The following NCS1 variants were observed in gnomAD, a reference collection of about 807,000 sequenced individuals.
NCS1 encodes frequenin homolog.
NCS1 carries 6 observed loss-of-function variants against 28.4 expected under a neutral mutation model. The observed-to-expected ratio is 0.21, with a 90% confidence interval of 0.12 to 0.42. The LOEUF is 0.42. Ranked by LOEUF, NCS1 falls within the 10% of genes least tolerant of loss-of-function variation. NCS1 has a pLI of 1.00. For missense variants in NCS1, 131 were observed against 241.4 expected (o/e 0.54, Z 3.03); for synonymous variants, 86 against 99.3 (o/e 0.87, Z 0.79).
In NCS1 at chr9:130,226,490, C is replaced by T; in HGVS notation, c.*3C>T. On this transcript the variant is annotated 3_prime_UTR_variant, in exon 7 of 8. Coordinates refer to ENST00000372398, the MANE Select transcript of NCS1 (RefSeq NM_014286.4). The surrounding 1 kb of genome is among the most constrained non-coding windows in gnomAD (Gnocchi z 4.8). ...CCCTCTACGACGGGCTGGTATAGTC[C>T]CAGGCTGGAGCTGGGTGAGTGCAGA... 6.2e-7 allele frequency: 1 copy of T among 1,612,174 alleles called. No individual in the cohort carries two copies. Among genetic ancestry groups the T allele is most frequent in the Non-Finnish European group, 8.5e-7 (1 of 1,179,002 alleles).
In NCS1 at chr9:130,177,137, G is replaced by A. The variant is rs1832583701; in HGVS notation, c.64+4410G>A. Among the ~76,000 whole-genome samples, 1 of 152,232 alleles carries A rather than the reference G, an allele frequency of 6.6e-6. No individual in the cohort carries two copies. Among genetic ancestry groups the A allele is most frequent in the Admixed American group, 6.5e-5 (1 of 15,284 alleles). ...ATGGTGCCGGCACACAGGAGCAGGT[G>A]GAGGGCAGGAGCCCACGGCTGACGC... On this transcript the variant is annotated intron_variant, in intron 1 of 7. Transcript: ENST00000372398. This position sits in a 1 kb window ranked among gnomAD's most constrained non-coding sequence, Gnocchi z 4.4.
Position 130,219,904 on chromosome 9 carries a change from C to T in NCS1, c.307+101C>T. 8.1e-7 allele frequency: 1 copy of T among 1,230,622 alleles called. No individual in the cohort carries two copies. The highest frequency in any genetic ancestry group is 1.2e-6 in the Non-Finnish European group (1 of 842,342). 76.2% of individuals were successfully genotyped at this position (1,230,622 alleles called of 1,614,324 possible). A position where few individuals can be genotyped will look rare whatever the true frequency, so the allele number is the denominator to read the frequency against. ...ACCAGGCAGGGGTGCCAGACACCCACTGCAGTGACCACAGATGGCGTCCCA... is the reference window on the plus strand; with the variant it reads ...ACCAGGCAGGGGTGCCAGACACCCATTGCAGTGACCACAGATGGCGTCCCA... On this transcript the variant is annotated intron_variant, in intron 4 of 7. Coordinates refer to ENST00000372398, the MANE Select transcript of NCS1 (RefSeq NM_014286.4). This position sits in a 1 kb window ranked among gnomAD's most constrained non-coding sequence, Gnocchi z 5.7.
In NCS1 at chr9:130,186,369, T is replaced by C. The variant is rs782282570; in HGVS notation, c.64+13642T>C. 2.6e-5 allele frequency among the ~76,000 whole-genome samples: 4 copies of C among 152,150 alleles called. No homozygotes were observed. The highest frequency in any genetic ancestry group is 5.9e-5 in the Non-Finnish European group (4 of 68,026). On this transcript the variant is annotated intron_variant, in intron 1 of 7. Coordinates refer to ENST00000372398, the MANE Select transcript of NCS1 (RefSeq NM_014286.4). This position sits in a 1 kb window ranked among gnomAD's most constrained non-coding sequence, Gnocchi z 4.1. ...CTTCCTGGAGGAGGTAATATTGTAG[T>C]TGAGACCCGGGGCTAGGGTTGCCAG...
rs1554904761 is a variant in NCS1, at chr9:130,177,791, C to T, written c.64+5064C>T. The stretch of plus-strand genomic sequence containing the variant: ...TCTAAACAGGAGAAGCTTTGCAGTC[C>T]GGGGAGCGGGCCAGAAAGACAAAGG... On this transcript the variant is annotated intron_variant, in intron 1 of 7. Coordinates refer to ENST00000372398, the MANE Select transcript of NCS1 (RefSeq NM_014286.4). This position sits in a 1 kb window ranked among gnomAD's most constrained non-coding sequence, Gnocchi z 4.4. Among the ~76,000 whole-genome samples the T allele has an allele frequency of 1.3e-5, 2 of 152,128 alleles. No individual in the cohort carries two copies. The highest frequency in any genetic ancestry group is 1.9e-4 in the East Asian group (1 of 5,188).
chr9:130,200,276 AT>A, intron 1 of NCS1, among the ~76,000 whole-genome samples: 1 of 152,208 alleles, frequency 6.6e-6, no homozygotes. Flanking sequence ...ACTTGAAACG[AT>A]TCTGTACTTT....
chr9:130,203,931 C>T (rs782405896), intron 2 of NCS1, among the ~76,000 whole-genome samples: 1 of 152,188 alleles, frequency 6.6e-6, no homozygotes, highest in Non-Finnish European at 1.5e-5. Context: ...AGCAGAGTGG[C>T]TGGGATCTTG....
Position 130,201,867 on chromosome 9 carries a change from G to C in NCS1, c.89+885G>C, listed in dbSNP as rs538516797. On this transcript the variant is annotated intron_variant, in intron 2 of 7. Transcript: ENST00000372398. The stretch of plus-strand genomic sequence containing the variant: ...CACTTTCCACTTCTGCACTTCCCCA[G>C]GTGAGTGCCCTAGAAACACCCTCCT... 3.3e-5 allele frequency among the ~76,000 whole-genome samples: 5 copies of C among 152,226 alleles called. No individual in the cohort carries two copies. The East Asian group carries it at 9.7e-4, about 29-fold the overall frequency.
Position 130,215,863 on chromosome 9 carries a change from T to C in NCS1, c.90-1969T>C, listed in dbSNP as rs1000741134. Among the ~76,000 whole-genome samples the C allele has an allele frequency of 6.6e-6, 1 of 152,048 alleles. No individual in the cohort carries two copies. The highest frequency in any genetic ancestry group is 2.1e-4 in the South Asian group (1 of 4,816). On this transcript the variant is annotated intron_variant, in intron 2 of 7. Coordinates refer to ENST00000372398, the MANE Select transcript of NCS1 (RefSeq NM_014286.4). The surrounding 1 kb of genome is among the most constrained non-coding windows in gnomAD (Gnocchi z 4.2). ...CTTGCTGTGGGCACTGCTGGGACGG[T>C]CATGTGCCCGCTATGGTCTGACTCA...
intron 1 of NCS1, 101 bp from the exon 2 acceptor site, chr9:130,200,857 G>T: frequency 6.5e-7 from 1 of 1,532,546 alleles, no homozygotes; most frequent in Non-Finnish European, 9.0e-7. Flanking sequence ...CATGGCCGTG[G>T]GGAGGGGAGG....
intron 7 of NCS1, among the ~76,000 whole-genome samples, chr9:130,230,222 G>A (rs529054782): frequency 8.7e-4 from 132 of 151,162 alleles, no homozygotes; most frequent in Non-Finnish European, 1.4e-3. Flanking sequence ...GTGGTGGCGG[G>A]CACCTGTAAT....
rs1226267707 is a variant in NCS1, at chr9:130,210,373, TG to T, written c.90-7456del. ...TAGATCGTGCCCCTGTACTCCAGCC[TG>T]GGTGACAGAGTGAGACTCAGTCTTA... On this transcript the variant is annotated intron_variant, in intron 2 of 7. Coordinates refer to ENST00000372398, the MANE Select transcript of NCS1 (RefSeq NM_014286.4). Among the ~76,000 whole-genome samples the T allele has an allele frequency of 2.2e-5, 3 of 137,352 alleles. No homozygotes were observed. In the Admixed American group the frequency reaches 2.3e-4, roughly 11 times the overall value. 90.1% of individuals were successfully genotyped at this position (137,352 alleles called of 152,430 possible). A position where few individuals can be genotyped will look rare whatever the true frequency, so the allele number is the denominator to read the frequency against.
rs532421196 is a variant in NCS1, at chr9:130,181,551, A to T, written c.64+8824A>T. ...ATGAGGAAATGGAGGCTCAGAGTGG[A>T]TGAGAGCTGGCTCATGGTCCCACGG... On this transcript the variant is annotated intron_variant, in intron 1 of 7. Transcript: ENST00000372398. The surrounding 1 kb of genome is among the most constrained non-coding windows in gnomAD (Gnocchi z 5.0). Among the ~76,000 whole-genome samples the T allele has an allele frequency of 2.6e-5, 4 of 152,220 alleles. No individual in the cohort carries two copies. The South Asian group carries it at 8.3e-4, about 32-fold the overall frequency.
chr9:130,204,609 G>A (rs1369239707), intron 2 of NCS1, among the ~76,000 whole-genome samples: 1 of 152,154 alleles, frequency 6.6e-6, no homozygotes, highest in Non-Finnish European at 1.5e-5. Flanking sequence ...ATCCTGACTT[G>A]CCCACTTCCT....
chr9:130,217,823 T>C lies in NCS1; in HGVS notation c.90-9T>C. 1 of 1,614,188 alleles carries C rather than the reference T, an allele frequency of 6.2e-7. No homozygotes were observed. Among genetic ancestry groups the C allele is most frequent in the Non-Finnish European group, 8.5e-7 (1 of 1,180,028 alleles). On this transcript the variant is annotated splice_polypyrimidine_tract_variant and intron_variant, in intron 2 of 7. Coordinates refer to ENST00000372398, the MANE Select transcript of NCS1 (RefSeq NM_014286.4). ...CTTTACCCTCTCTGGCCCGGTCTGCTGCCTCCAGGTACAAAGGCTTCATCA... is the reference window on the plus strand; with the variant it reads ...CTTTACCCTCTCTGGCCCGGTCTGCCGCCTCCAGGTACAAAGGCTTCATCA...
intron 1 of NCS1, among the ~76,000 whole-genome samples, chr9:130,182,827 C>T (rs1832680039): frequency 6.6e-6 from 1 of 152,242 alleles, no homozygotes; most frequent in Non-Finnish European, 1.5e-5. Flanking sequence ...CCCTGGCCAT[C>T]CTGCCCTGCC....
At position 130,226,315 on chromosome 9, in the gene NCS1, G is replaced by A. The variant is rs1036334357; in HGVS notation, c.475-74G>A. On this transcript the variant is annotated intron_variant, in intron 6 of 7. Transcript: ENST00000372398. The surrounding 1 kb of genome is among the most constrained non-coding windows in gnomAD (Gnocchi z 4.8). The stretch of plus-strand genomic sequence containing the variant: ...TAACCTTGGAAGGGCTCTTGGGACC[G>A]GCCCTGGGCTGGGCTTGTCTAGAGC... 3.5e-5 allele frequency: 46 copies of A among 1,310,894 alleles called. No homozygotes were observed. Among genetic ancestry groups the A allele is most frequent in the Non-Finnish European group, 4.6e-5 (42 of 914,438 alleles). 81.2% of individuals were successfully genotyped at this position (1,310,894 alleles called of 1,614,324 possible).
intron 2 of NCS1, among the ~76,000 whole-genome samples, chr9:130,207,242 G>A (rs1378195379): frequency 6.6e-6 from 1 of 152,226 alleles, no homozygotes; most frequent in African/African-American, 2.4e-5. Flanking sequence ...TAGAGCTTTG[G>A]AAAATGGGAC....
chr9:130,207,252 C>T (rs1445595585), intron 2 of NCS1, among the ~76,000 whole-genome samples: 2 of 152,232 alleles, frequency 1.3e-5, no homozygotes, highest in African/African-American at 2.4e-5. Flanking sequence ...GAAAATGGGA[C>T]AGCCCCTCTG....
intron 6 of NCS1, among the ~76,000 whole-genome samples, chr9:130,225,756 C>T (rs797025512): frequency 2.0e-5 from 3 of 152,342 alleles, no homozygotes; most frequent in African/African-American, 4.8e-5. Context: ...TTGTGCTCAT[C>T]GGCGCTGTTT....
Sources: allele counts gnomAD v4.1 joint callset (sites outside exome capture counted in the v4.1 genomes callset), GRCh38; gene constraint gnomAD v4.1.1; non-coding constraint Gnocchi (gnomAD v3.1); transcripts MANE v1.5; gene names NCBI Gene and HGNC (gene_info 2026-07-23, HGNC 2026-07-21).